Variants in RBFOX1 observed in about 807,000 individuals in gnomAD.
RBFOX1 encodes the protein RNA binding protein fox-1 homolog 1.
Under a neutral mutation model 57.7 loss-of-function variants are expected in RBFOX1, and 8 were observed. The observed-to-expected ratio is 0.14, with a 90% confidence interval of 0.08 to 0.25. The LOEUF (loss-of-function observed/expected upper bound fraction) is 0.25, where lower values mean the gene tolerates loss of function less well. Ranked by LOEUF, RBFOX1 falls within the 10% of genes least tolerant of loss-of-function variation. The pLI is 1.00. For synonymous variants in RBFOX1, 326 were observed against 222.4 expected (o/e 1.47, Z -4.15); for missense variants, 611 against 548.5 (o/e 1.11, Z -1.14).
At chr16:5,790,764 G>T (rs1388069466) in intron 3 of RBFOX1, among the ~76,000 whole-genome samples, 1 of 152,030 alleles carries the variant, frequency 6.6e-6, no homozygotes, top group Non-Finnish European at 1.5e-5. Context: ...GCATCACTTC[G>T]TCTTCCTCAT....
At chr16:6,022,690 A>G (rs1017183179) in intron 1 of RBFOX1, among the ~76,000 whole-genome samples, 1 of 152,222 alleles carries the variant, frequency 6.6e-6, no homozygotes, top group Non-Finnish European at 1.5e-5. Flanking sequence ...CCTCAAAAAC[A>G]AAACAAAACA....
intron 3 of RBFOX1, among the ~76,000 whole-genome samples, chr16:6,898,040 C>A (rs939520731): frequency 1.3e-5 from 2 of 152,140 alleles, no homozygotes; most frequent in African/African-American, 4.8e-5. Context: ...TTTTCCTTTT[C>A]CTCGGTGTTT....
At chr16:7,245,626 G>C (rs991927944) in intron 4 of RBFOX1, among the ~76,000 whole-genome samples, 2 of 152,216 alleles carry the variant, frequency 1.3e-5, no homozygotes, top group Admixed American at 1.3e-4. Context: ...GAGAGCTAGA[G>C]AAAGAGCTAT....
intron 4 of RBFOX1, among the ~76,000 whole-genome samples, chr16:7,082,353 G>T (rs2059331299): frequency 6.6e-6 from 1 of 152,024 alleles, no homozygotes; most frequent in Non-Finnish European, 1.5e-5. Flanking sequence ...GGCCGAGGTG[G>T]GTGGATCATT....
chr16:5,345,764 G>T (rs139133100), intron 1 of RBFOX1, among the ~76,000 whole-genome samples: 1 of 152,130 alleles, frequency 6.6e-6, no homozygotes, highest in Admixed American at 6.5e-5. Context: ...GGCACATGAC[G>T]CCACCCCTTT....
chr16:7,152,183 T>G (rs1410804986), intron 4 of RBFOX1, among the ~76,000 whole-genome samples: 1 of 152,152 alleles, frequency 6.6e-6, no homozygotes, highest in Non-Finnish European at 1.5e-5. Flanking sequence ...TTCTTGGAGT[T>G]AGAAGGAGAG....
intron 1 of RBFOX1, among the ~76,000 whole-genome samples, chr16:5,315,009 T>A (rs975643859): frequency 1.3e-5 from 2 of 152,086 alleles, no homozygotes; most frequent in Admixed American, 6.5e-5. Flanking sequence ...GGAAAGGGCA[T>A]TGGGGGCCTC....
chr16:6,348,125 T>A (rs1285810855), intron 2 of RBFOX1, among the ~76,000 whole-genome samples: 1 of 151,980 alleles, frequency 6.6e-6, no homozygotes, highest in African/African-American at 2.4e-5. Context: ...TATGGGTTTG[T>A]GTGGTTTGAG....
intron 1 of RBFOX1, among the ~76,000 whole-genome samples, chr16:6,276,170 C>T (rs537580816): frequency 1.9e-4 from 29 of 152,146 alleles, no homozygotes; most frequent in South Asian, 6.2e-4. Flanking sequence ...CATAGATAAA[C>T]GGATGACTCA....
intron 2 of RBFOX1, among the ~76,000 whole-genome samples, chr16:6,367,485 T>C (rs921353571): frequency 2.0e-5 from 3 of 152,128 alleles, no homozygotes; most frequent in African/African-American, 7.2e-5. Flanking sequence ...TTGGTCAGGC[T>C]GGCCCCGAAC....
chr16:5,745,576 C>G (rs2052946528), intron 3 of RBFOX1, among the ~76,000 whole-genome samples: 1 of 152,188 alleles, frequency 6.6e-6, no homozygotes, highest in Non-Finnish European at 1.5e-5. Flanking sequence ...AAAAGTGTTC[C>G]TATTTCTCCA....
intron 2 of RBFOX1, among the ~76,000 whole-genome samples, chr16:5,562,169 G>T (rs756640262): frequency 2.0e-5 from 3 of 152,180 alleles, no homozygotes; most frequent in Non-Finnish European, 2.9e-5. Flanking sequence ...GAAAAAGAAA[G>T]ATTTGATAGA....
chr16:7,481,053 G>A (rs543728017), intron 4 of RBFOX1, among the ~76,000 whole-genome samples: 1 of 152,126 alleles, frequency 6.6e-6, no homozygotes, highest in African/African-American at 2.4e-5. Context: ...AACATCCTGG[G>A]CTTGAATTCT....
At chr16:6,354,286 C>G (rs181162603) in intron 2 of RBFOX1, among the ~76,000 whole-genome samples, 1 of 152,186 alleles carries the variant, frequency 6.6e-6, no homozygotes, top group African/African-American at 2.4e-5. Context: ...TTTTCCGAAA[C>G]ATGTTTCAGA....
At chr16:5,843,384 G>A (rs1228315433) in intron 3 of RBFOX1, among the ~76,000 whole-genome samples, 1 of 152,172 alleles carries the variant, frequency 6.6e-6, no homozygotes. Flanking sequence ...AGGATATGAG[G>A]TATTTGGTTT....
At chr16:6,505,260 A>G (rs375927515) in intron 2 of RBFOX1, among the ~76,000 whole-genome samples, 10 of 152,202 alleles carry the variant, frequency 6.6e-5, no homozygotes, top group African/African-American at 1.2e-4. Flanking sequence ...GTCACAGTCA[A>G]TAGCAGAAAT....
intron 1 of RBFOX1, among the ~76,000 whole-genome samples, chr16:6,116,019 C>G (rs898807414): frequency 3.3e-5 from 5 of 152,222 alleles, no homozygotes; most frequent in African/African-American, 1.2e-4. Context: ...TGGAACCAAC[C>G]CAAATGCCCA....
chr16:6,191,575 G>C (rs1262398325), intron 1 of RBFOX1, among the ~76,000 whole-genome samples: 1 of 152,160 alleles, frequency 6.6e-6, no homozygotes, highest in Non-Finnish European at 1.5e-5. Flanking sequence ...AAAAAAGTTA[G>C]CACCGTATAG....
At chr16:5,464,692 G>C (rs972101449) in intron 1 of RBFOX1, among the ~76,000 whole-genome samples, 1 of 152,240 alleles carries the variant, frequency 6.6e-6, no homozygotes, top group Non-Finnish European at 1.5e-5. Flanking sequence ...CAGCCCAGCT[G>C]TGGAGGGTGG....
Sources: gnomAD v4.1 joint callset for allele counts (sites outside exome capture counted in the v4.1 genomes callset) on GRCh38, gnomAD v4.1.1 for gene constraint, MANE v1.5 for transcripts, NCBI Gene and HGNC (gene_info 2026-07-23, HGNC 2026-07-21) for gene names.